Variants in USP6NL observed in about 807,000 individuals in gnomAD.
USP6NL encodes USP6 N-terminal like.
USP6NL carries 26 observed loss-of-function variants against 61.9 expected under a neutral mutation model. The ratio of observed to expected loss-of-function variants is 0.42; its 90% CI spans 0.31 to 0.58. The LOEUF is 0.58. Among genes scored for constraint, USP6NL ranks in the 20% least tolerant of loss-of-function variants. The pLI is 0.16. For missense variants in USP6NL, 1,114 were observed against 1,034.3 expected (o/e 1.08, Z -1.06); for synonymous variants, 432 against 390.1 (o/e 1.11, Z -1.27).
In USP6NL at chr10:11,591,987, A is replaced by G. The variant is rs932108973; in HGVS notation, c.4+5644T>C. On this transcript the variant is annotated intron_variant, in intron 2 of 14. Coordinates refer to ENST00000609104, the MANE Select transcript of USP6NL (RefSeq NM_014688.5). This position sits in a 1 kb window ranked among gnomAD's most constrained non-coding sequence, Gnocchi z 4.7. ...TGGGTTCAAGCAATTCTCCTGCCTC[A>G]GCCTCCTGAGTAGCTGAAATTACCG... Among the ~76,000 whole-genome samples the G allele has an allele frequency of 4.6e-5, 7 of 152,148 alleles. No homozygotes were observed. Among genetic ancestry groups the G allele is most frequent in the African/African-American group, 1.7e-4 (7 of 41,416 alleles).
rs1466807116 is a variant in USP6NL, at chr10:11,589,714, C to G, written c.4+7917G>C. ...TATTCCACTCTTCTAACATCTAAAACAGGCAACTGTATTTTTAAAAAGACA... is the reference window on the plus strand; with the variant it reads ...TATTCCACTCTTCTAACATCTAAAAGAGGCAACTGTATTTTTAAAAAGACA... On this transcript the variant is annotated intron_variant, in intron 2 of 14. Transcript: ENST00000609104. The surrounding 1 kb of genome is among the most constrained non-coding windows in gnomAD (Gnocchi z 4.7). Among the ~76,000 whole-genome samples the G allele has an allele frequency of 6.6e-6, 1 of 152,212 alleles. No homozygotes were observed. Among genetic ancestry groups the G allele is most frequent in the Admixed American group, 6.5e-5 (1 of 15,280 alleles).
chr10:11,501,125 T>C lies in USP6NL; in HGVS notation c.360A>G (p.Lys120=). The C allele has an allele frequency of 1.2e-6, 2 of 1,612,388 alleles. No homozygotes were observed. The highest frequency in any genetic ancestry group is 1.7e-6 in the Non-Finnish European group (2 of 1,179,316). ...WALLLEIPKM[K]EETRDLYSKL... is the part of the protein sequence containing the mutation. ...CACTATACAGGTCCCTTGTTTCTTC[T>C]TTCATTTTAGGGATCTCAAGAAGGA... The change falls in exon 7 of 15, where the codon AAA becomes AAG. Residue 120 remains lysine (K), a synonymous_variant. Transcript: ENST00000609104.
intron 14 of USP6NL, among the ~76,000 whole-genome samples, chr10:11,472,334 C>G (rs1038256176): frequency 2.0e-5 from 3 of 152,338 alleles, no homozygotes; most frequent in Admixed American, 1.3e-4. Flanking sequence ...TCTGTCACCC[C>G]CCAGTGGACG....
intron 2 of USP6NL, among the ~76,000 whole-genome samples, chr10:11,529,640 T>C (rs150149807): frequency 7.3e-4 from 111 of 152,294 alleles, no homozygotes; most frequent in African/African-American, 2.5e-3. Flanking sequence ...TACAGATGAG[T>C]TGTTCAGATT....
chr10:11,517,613 C>T (rs565297275), intron 5 of USP6NL, among the ~76,000 whole-genome samples: 34 of 152,186 alleles, frequency 2.2e-4, no homozygotes, highest in Middle Eastern at 3.4e-3. Flanking sequence ...GAGAGAGAAC[C>T]AGACAGTCAC....
chr10:11,555,449 T>TATATATAA (rs1836665494), intron 2 of USP6NL, among the ~76,000 whole-genome samples: 1 of 73,134 alleles, frequency 1.4e-5, no homozygotes, highest in African/African-American at 6.4e-5. Context: ...TATATATATA[T>TATATATAA]ATAGAGAGAG....
intron 14 of USP6NL, among the ~76,000 whole-genome samples, chr10:11,471,254 A>G (rs181912649): frequency 6.6e-6 from 1 of 152,256 alleles, no homozygotes. Flanking sequence ...TGGAATAAAG[A>G]CTTACTGCCA....
intron 14 of USP6NL, among the ~76,000 whole-genome samples, chr10:11,472,175 A>C (rs1365839994): frequency 1.3e-5 from 2 of 152,234 alleles, no homozygotes; most frequent in Non-Finnish European, 2.9e-5. Context: ...CATTTTAGAA[A>C]AAAGCAAAAA....
Position 11,518,333 on chromosome 10 carries a change from AC to A in USP6NL, c.195+201del, listed in dbSNP as rs1350399093. 2.0e-5 allele frequency among the ~76,000 whole-genome samples: 3 copies of A among 152,180 alleles called. No homozygotes were observed. The highest frequency in any genetic ancestry group is 4.4e-5 in the Non-Finnish European group (3 of 68,022). ...CAGTCTAGAATGAAGTCTGCCAACT[AC>A]CTATCAGAATCTCCTAAAATCTCCT... On this transcript the variant is annotated intron_variant, in intron 5 of 14. Transcript: ENST00000609104. The surrounding 1 kb of genome is among the most constrained non-coding windows in gnomAD (Gnocchi z 5.3).
At position 11,465,904 on chromosome 10, in the gene USP6NL, T is replaced by A. The variant is rs1462236229; in HGVS notation, c.1079-2055A>T. Among the ~76,000 whole-genome samples the A allele has an allele frequency of 1.3e-5, 2 of 152,218 alleles. No individual in the cohort carries two copies. The highest frequency in any genetic ancestry group is 4.8e-5 in the African/African-American group (2 of 41,444). Reference sequence around the variant, plus strand: ...CACCTACTTCATTATTTGTGATAATTTGCTTGTATGGTCCTAGCACATTTT... The same window carrying A: ...CACCTACTTCATTATTTGTGATAATATGCTTGTATGGTCCTAGCACATTTT... On this transcript the variant is annotated intron_variant, in intron 14 of 14. Transcript: ENST00000609104. The surrounding 1 kb of genome is among the most constrained non-coding windows in gnomAD (Gnocchi z 4.5).
rs1419839634 is a variant in USP6NL, at chr10:11,485,915, G to C, written c.665-4C>G. The C allele has an allele frequency of 6.5e-6, 10 of 1,534,294 alleles. No individual in the cohort carries two copies. The Admixed American group carries it at 1.1e-4, about 16-fold the overall frequency. ...GGAAAACCTTGGACAAAAAAGCCTA[G>C]AATACAAACATAAAAACAACATTTC... is the stretch of plus-strand genomic sequence containing the variant. On this transcript the variant is annotated splice_region_variant and splice_polypyrimidine_tract_variant and intron_variant, in intron 10 of 14. Coordinates refer to ENST00000609104, the MANE Select transcript of USP6NL (RefSeq NM_014688.5). The surrounding 1 kb of genome is among the most constrained non-coding windows in gnomAD (Gnocchi z 4.8).
Position 11,474,221 on chromosome 10 carries a change from T to A in USP6NL, c.1078+7549A>T, listed in dbSNP as rs1031020637. Among the ~76,000 whole-genome samples, 1 of 152,260 alleles carries A rather than the reference T, an allele frequency of 6.6e-6. No individual in the cohort carries two copies. Among genetic ancestry groups the A allele is most frequent in the African/African-American group, 2.4e-5 (1 of 41,468 alleles). The stretch of plus-strand genomic sequence containing the variant: ...TGTATTTAGAATTTTCTGTGTTTTA[T>A]ATATTTATATTTCAGAGAATTTGGC... On this transcript the variant is annotated intron_variant, in intron 14 of 14. Coordinates refer to ENST00000609104, the MANE Select transcript of USP6NL (RefSeq NM_014688.5). This position sits in a 1 kb window ranked among gnomAD's most constrained non-coding sequence, Gnocchi z 4.9.
intron 2 of USP6NL, among the ~76,000 whole-genome samples, chr10:11,555,277 T>C (rs1208540343): frequency 6.7e-6 from 1 of 148,796 alleles, no homozygotes; most frequent in South Asian, 2.1e-4. Flanking sequence ...TAGCCAGGTA[T>C]GGTGGCAGGC....
chr10:11,555,415 T>TAA (rs558901276), intron 2 of USP6NL, among the ~76,000 whole-genome samples: 22 of 26,836 alleles, frequency 8.2e-4, no homozygotes, highest in East Asian at 2.3e-3. Flanking sequence ...AACTCGGTCT[T>TAA]AAAAAAAAAA....
intron 14 of USP6NL, among the ~76,000 whole-genome samples, chr10:11,475,748 TAC>T (rs1037069011): frequency 4.6e-5 from 7 of 152,026 alleles, no homozygotes; most frequent in African/African-American, 1.4e-4. Flanking sequence ...GACATCTCCA[TAC>T]AGTGTCAAGA....
intron 6 of USP6NL, among the ~76,000 whole-genome samples, chr10:11,506,906 G>GT (rs891871600): frequency 6.6e-5 from 10 of 152,098 alleles, no homozygotes; most frequent in Non-Finnish European, 8.8e-5. Context: ...AAAAATGCTA[G>GT]TTTTTTTACT....
rs115360653 is a variant in USP6NL, at chr10:11,539,278, A to G, written c.5-11711T>C. 2.5e-3 allele frequency among the ~76,000 whole-genome samples: 387 copies of G among 152,290 alleles called. 2 individuals carry two copies. Among genetic ancestry groups the G allele is most frequent in the African/African-American group, 8.4e-3 (349 of 41,554 alleles). On this transcript the variant is annotated intron_variant, in intron 2 of 14. Coordinates refer to ENST00000609104, the MANE Select transcript of USP6NL (RefSeq NM_014688.5). Reference sequence around the variant, plus strand: ...TGTCAGTCACCCAGTGGGCAGGTCTAAGTCAAGCAGGCTAATAAGCCCTTT... The same window carrying G: ...TGTCAGTCACCCAGTGGGCAGGTCTGAGTCAAGCAGGCTAATAAGCCCTTT...
At chr10:11,594,576 G>C (rs1838264873) in intron 2 of USP6NL, among the ~76,000 whole-genome samples, 1 of 151,978 alleles carries the variant, frequency 6.6e-6, no homozygotes, top group Non-Finnish European at 1.5e-5. Flanking sequence ...CCTATCTCTA[G>C]AGTCCAGAAT....
rs1301626250 is a variant in USP6NL, at chr10:11,481,793, G to A, written c.1055C>T (p.Ala352Val). 1 of 1,612,444 alleles carries A rather than the reference G, an allele frequency of 6.2e-7. No individual in the cohort carries two copies. The highest frequency in any genetic ancestry group is 8.5e-7 in the Non-Finnish European group (1 of 1,179,400). ...ACCAGGTTCTGGAAGGTCTAACTTT[G>A]CCCGCTTTAGTTCTGTCATAGAAAT... ...LQISMTELKR[A>V]KLDLPEPGKE... Residue 352 changes from alanine (A) to valine (V), a missense_variant, in exon 14 of 15, where the codon GCA (alanine) becomes GTA (valine). Coordinates refer to ENST00000609104, the MANE Select transcript of USP6NL (RefSeq NM_014688.5). This position sits in a 1 kb window ranked among gnomAD's most constrained non-coding sequence, Gnocchi z 4.4.
Sources: allele counts gnomAD v4.1 joint callset (sites outside exome capture counted in the v4.1 genomes callset), GRCh38; gene constraint gnomAD v4.1.1; non-coding constraint Gnocchi (gnomAD v3.1); transcripts MANE v1.5; gene names NCBI Gene and HGNC (gene_info 2026-07-23, HGNC 2026-07-21).